Variants in DNER observed in about 807,000 individuals in gnomAD.
DNER encodes the protein delta/notch like EGF repeat containing.
Under a neutral mutation model 78.2 loss-of-function variants are expected in DNER, and 33 were observed. The observed-to-expected ratio is 0.42, with a 90% CI of 0.32 to 0.56. The LOEUF is 0.56. Among genes scored for constraint, DNER ranks in the 20% least tolerant of loss-of-function variants. The pLI, the probability that DNER is intolerant of heterozygous loss-of-function variation, is 0.11. For synonymous variants in DNER, 417 were observed against 384.8 expected (o/e 1.08, Z -0.98); for missense variants, 918 against 975.3 (o/e 0.94, Z 0.78).
chr2:229,406,796 G>A (rs929491361), intron 10 of DNER, among the ~76,000 whole-genome samples: 4 of 149,174 alleles, frequency 2.7e-5, no homozygotes, highest in South Asian at 2.2e-4. Context: ...CGCCAATCTC[G>A]CCTCCCATCC....
intron 1 of DNER, among the ~76,000 whole-genome samples, chr2:229,619,666 C>G (rs1698221243): frequency 3.3e-5 from 5 of 152,058 alleles, no homozygotes; most frequent in Non-Finnish European, 7.4e-5. Context: ...ACTGAGGGAC[C>G]ATTTCTTAAA....
At chr2:229,503,760 T>G (rs1190708884) in intron 6 of DNER, among the ~76,000 whole-genome samples, 1 of 152,192 alleles carries the variant, frequency 6.6e-6, no homozygotes, top group African/African-American at 2.4e-5. Flanking sequence ...TTGTTTGTTT[T>G]GAGACAGCAT....
chr2:229,482,622 A>C (rs1695188991), intron 6 of DNER, among the ~76,000 whole-genome samples: 1 of 152,194 alleles, frequency 6.6e-6, no homozygotes, highest in Non-Finnish European at 1.5e-5. Context: ...AGAAAGAATC[A>C]TGAGAGGGAT....
intron 6 of DNER, among the ~76,000 whole-genome samples, chr2:229,501,497 A>G (rs2154211969): frequency 6.6e-6 from 1 of 152,250 alleles, no homozygotes; most frequent in African/African-American, 2.4e-5. Flanking sequence ...AAAATTTAAC[A>G]AATTTGGAGC....
intron 1 of DNER, among the ~76,000 whole-genome samples, chr2:229,644,125 C>A (rs1341898099): frequency 1.3e-5 from 2 of 152,136 alleles, no homozygotes; most frequent in African/African-American, 4.8e-5. Context: ...TGTCATGGAT[C>A]ACTACACTTT....
chr2:229,623,950 C>T (rs1280548654), intron 1 of DNER, among the ~76,000 whole-genome samples: 1 of 152,214 alleles, frequency 6.6e-6, no homozygotes, highest in Non-Finnish European at 1.5e-5. Flanking sequence ...GACAATCAGG[C>T]CTCACGTGAA....
intron 4 of DNER, among the ~76,000 whole-genome samples, chr2:229,577,019 G>A (rs1697314917): frequency 1.3e-5 from 2 of 152,174 alleles, no homozygotes; most frequent in African/African-American, 2.4e-5. Flanking sequence ...TACCACAGAT[G>A]AAGCAGCTGG....
chr2:229,376,321 C>G (rs147351129), intron 11 of DNER, among the ~76,000 whole-genome samples: 4 of 152,254 alleles, frequency 2.6e-5, no homozygotes, highest in African/African-American at 4.8e-5. Flanking sequence ...TGCCCTTCCA[C>G]TATGTGAAGA....
intron 8 of DNER, among the ~76,000 whole-genome samples, chr2:229,440,306 T>G (rs139551213): frequency 8.1e-4 from 123 of 152,312 alleles, no homozygotes; most frequent in Non-Finnish European, 1.0e-3. Context: ...TTTGGAAGCA[T>G]GCTTAGGAAA....
Position 229,407,278 on chromosome 2 carries a change from G to A in DNER, c.1677C>T (p.Asp559=). ...TGCACGTGCCATTCAGGCCGTCGCTGTCACAGGTGGCTCCGTTCAGACAGC... is the reference window on the plus strand; with the variant it reads ...TGCACGTGCCATTCAGGCCGTCGCTATCACAGGTGGCTCCGTTCAGACAGC... ...NVSCLNGATC[D]SDGLNGTCIC... Residue 559 remains aspartate (D), a synonymous_variant, in exon 10 of 13, where the codon GAC becomes GAT. Transcript: ENST00000341772. 6.2e-7 allele frequency: 1 copy of A among 1,613,866 alleles called. No homozygotes were observed. Among genetic ancestry groups the A allele is most frequent in the African/African-American group, 1.3e-5 (1 of 75,048 alleles).
chr2:229,659,268 C>T (rs1366801852), intron 1 of DNER, among the ~76,000 whole-genome samples: 4 of 152,078 alleles, frequency 2.6e-5, no homozygotes, highest in Non-Finnish European at 4.4e-5. Flanking sequence ...GCTATTAAAC[C>T]TTTCTTTAAA....
chr2:229,608,103 C>A (rs537463435), intron 1 of DNER, among the ~76,000 whole-genome samples: 2 of 151,612 alleles, frequency 1.3e-5, no homozygotes, highest in Admixed American at 6.6e-5. Flanking sequence ...AATTGCTGAC[C>A]CCTGGGACTG....
intron 2 of DNER, among the ~76,000 whole-genome samples, chr2:229,590,893 AC>A (rs1697591395): frequency 2.0e-5 from 3 of 152,202 alleles, no homozygotes; most frequent in Non-Finnish European, 4.4e-5. Context: ...CTCATGAAAG[AC>A]TTAGCACCGT....
Position 229,407,229 on chromosome 2 carries a change from T to C in DNER, c.1723+3A>G. On this transcript the variant is annotated splice_donor_region_variant and intron_variant, in intron 10 of 12. Coordinates refer to ENST00000341772, the MANE Select transcript of DNER (RefSeq NM_139072.4). ...TGAAAACTCAGTCCCTGGAATCACT[T>C]GCCTGTAAACCCGGGTGCACAGATG... The C allele has an allele frequency of 6.2e-7, 1 of 1,604,294 alleles. No individual in the cohort carries two copies. Among genetic ancestry groups the C allele is most frequent in the Non-Finnish European group, 8.5e-7 (1 of 1,172,176 alleles).
intron 5 of DNER, among the ~76,000 whole-genome samples, chr2:229,531,770 G>A (rs999663746): frequency 5.5e-4 from 84 of 152,230 alleles, no homozygotes; most frequent in African/African-American, 1.9e-3. Context: ...AATGTCTATC[G>A]GTGATAAATG....
At chr2:229,619,228 A>G (rs1698214852) in intron 1 of DNER, among the ~76,000 whole-genome samples, 1 of 152,150 alleles carries the variant, frequency 6.6e-6, no homozygotes, top group South Asian at 2.1e-4. Flanking sequence ...GAACAAAGCT[A>G]AAATATCCTA....
At chr2:229,482,833 T>C (rs1327553841) in intron 6 of DNER, among the ~76,000 whole-genome samples, 2 of 152,148 alleles carry the variant, frequency 1.3e-5, no homozygotes, top group Non-Finnish European at 2.9e-5. Flanking sequence ...AGAAATAAAT[T>C]GCACAACAGA....
At chr2:229,597,388 G>A (rs905934007) in intron 1 of DNER, among the ~76,000 whole-genome samples, 15 of 152,002 alleles carry the variant, frequency 9.9e-5, no homozygotes, top group East Asian at 5.8e-4. Flanking sequence ...TAAGTCCTAC[G>A]TTTCTGTATA....
intron 1 of DNER, among the ~76,000 whole-genome samples, chr2:229,652,832 A>G (rs1414150530): frequency 6.6e-6 from 1 of 152,202 alleles, no homozygotes; most frequent in Non-Finnish European, 1.5e-5. Flanking sequence ...ATTGGTTACA[A>G]AGGCTATTGT....
Sources: allele counts gnomAD v4.1 joint callset (sites outside exome capture counted in the v4.1 genomes callset), GRCh38; gene constraint gnomAD v4.1.1; transcripts MANE v1.5; gene names NCBI Gene and HGNC (gene_info 2026-07-23, HGNC 2026-07-21).